The following KHDRBS3 variants were observed in gnomAD, a reference collection of about 807,000 sequenced individuals.
KHDRBS3 encodes the protein KH domain-containing, RNA-binding, signal transduction-associated protein 3.
KHDRBS3 carries 23 observed loss-of-function variants against 45.6 expected under a neutral mutation model. That is an observed-to-expected ratio of 0.50 (90% CI 0.36 to 0.72). The LOEUF (loss-of-function observed/expected upper bound fraction) is 0.72, where lower values mean the gene tolerates loss of function less well. Among genes scored for constraint, KHDRBS3 ranks in the 30% least tolerant of loss-of-function variants. KHDRBS3 has a pLI of 0.00. For missense variants in KHDRBS3, 352 were observed against 424.8 expected (o/e 0.83, Z 1.51); for synonymous variants, 162 against 156.5 (o/e 1.04, Z -0.26).
chr8:135,595,099 G>A (rs1180434085), intron 6 of KHDRBS3, among the ~76,000 whole-genome samples: 1 of 152,166 alleles, frequency 6.6e-6, no homozygotes, highest in South Asian at 2.1e-4. Flanking sequence ...AAAGAAGAAT[G>A]GCACAGAATA....
intron 1 of KHDRBS3, among the ~76,000 whole-genome samples, chr8:135,485,073 C>T (rs550953530): frequency 1.3e-5 from 2 of 152,314 alleles, no homozygotes; most frequent in African/African-American, 4.8e-5. Flanking sequence ...AACCCTCTCT[C>T]TCCATCTCAA....
At chr8:135,483,988 C>T (rs949063463) in intron 1 of KHDRBS3, among the ~76,000 whole-genome samples, 13 of 152,068 alleles carry the variant, frequency 8.5e-5, no homozygotes, top group Admixed American at 7.9e-4. Flanking sequence ...GGAATTGGAC[C>T]GCTTAGGTTT....
chr8:135,648,932 A>C (rs1014130949), downstream of KHDRBS3, among the ~76,000 whole-genome samples: 1 of 152,208 alleles, frequency 6.6e-6, no homozygotes, highest in African/African-American at 2.4e-5. Flanking sequence ...CAGTTTGCCA[A>C]ATTTAATATA....
chr8:135,466,073 CTTCT>C (rs1335342223), intron 1 of KHDRBS3, among the ~76,000 whole-genome samples: 5 of 152,106 alleles, frequency 3.3e-5, no homozygotes, highest in South Asian at 2.1e-4. Context: ...GCTAGGTTAC[CTTCT>C]TTCTTTCGCA....
intron 1 of KHDRBS3, among the ~76,000 whole-genome samples, chr8:135,507,440 T>G (rs1013853052): frequency 6.6e-6 from 1 of 152,250 alleles, no homozygotes; most frequent in African/African-American, 2.4e-5. Flanking sequence ...TCAGTAGATT[T>G]GGCAAGTGGA....
At chr8:135,580,590 C>T (rs1563782989) in intron 5 of KHDRBS3, among the ~76,000 whole-genome samples, 2 of 147,006 alleles carry the variant, frequency 1.4e-5, no homozygotes, top group Non-Finnish European at 3.0e-5. Flanking sequence ...AAATCCTCTT[C>T]CTCTCTCTCT....
chr8:135,623,246 G>A (rs1830223222), intron 7 of KHDRBS3, among the ~76,000 whole-genome samples: 1 of 152,136 alleles, frequency 6.6e-6, no homozygotes, highest in South Asian at 2.1e-4. Flanking sequence ...GTCTTCATAA[G>A]AAATCTTAGT....
intron 1 of KHDRBS3, among the ~76,000 whole-genome samples, chr8:135,508,832 A>G (rs1702247276): frequency 6.6e-6 from 1 of 152,188 alleles, no homozygotes; most frequent in African/African-American, 2.4e-5. Context: ...AGGAACTCCT[A>G]GCCTCTTTTT....
chr8:135,600,532 C>T (rs1420995939), intron 6 of KHDRBS3, among the ~76,000 whole-genome samples: 1 of 152,172 alleles, frequency 6.6e-6, no homozygotes, highest in Admixed American at 6.5e-5. Context: ...ATGTTAATGC[C>T]TTCCTAGGTG....
Position 135,574,745 on chromosome 8 carries a change from A to G in KHDRBS3, c.612-7133A>G, listed in dbSNP as rs1827873533. Among the ~76,000 whole-genome samples the G allele has an allele frequency of 2.6e-5, 4 of 152,334 alleles. No individual in the cohort carries two copies. In the South Asian group the frequency reaches 8.3e-4, roughly 32 times the overall value. On this transcript the variant is annotated intron_variant, in intron 5 of 8. Coordinates refer to ENST00000355849, the MANE Select transcript of KHDRBS3 (RefSeq NM_006558.3). ...TTAATCATGTTAAAGATTTCTCTAGATATATATACTGGAGATATACAAAGA... is the reference window on the plus strand; with the variant it reads ...TTAATCATGTTAAAGATTTCTCTAGGTATATATACTGGAGATATACAAAGA...
At chr8:135,522,328 T>G (rs779325882) in intron 2 of KHDRBS3, among the ~76,000 whole-genome samples, 3 of 152,252 alleles carry the variant, frequency 2.0e-5, no homozygotes, top group African/African-American at 4.8e-5. Context: ...ATGTACCACA[T>G]TTTCTTTATC....
chr8:135,542,466 T>G, intron 2 of KHDRBS3, 188 bp from the exon 3 acceptor site: 1 of 499,078 alleles, frequency 2.0e-6, no homozygotes, highest in Non-Finnish European at 3.6e-6. Context: ...ATCAGGGTTT[T>G]TTATTTTACG....
At chr8:135,624,849 A>G (rs764544055) in intron 7 of KHDRBS3, among the ~76,000 whole-genome samples, 23 of 152,112 alleles carry the variant, frequency 1.5e-4, no homozygotes, top group Non-Finnish European at 2.4e-4. Context: ...CAGTCTTTAC[A>G]TTTCTCCACT....
In KHDRBS3 at chr8:135,531,716, G is replaced by A. The variant is rs73712058; in HGVS notation, c.207+10361G>A. Among the ~76,000 whole-genome samples the A allele has an allele frequency of 2.7e-3, 413 of 152,212 alleles. 2 individuals carry two copies. The highest frequency in any genetic ancestry group is 0.017 in the Middle Eastern group (5 of 294). On this transcript the variant is annotated intron_variant, in intron 2 of 8. Coordinates refer to ENST00000355849, the MANE Select transcript of KHDRBS3 (RefSeq NM_006558.3). ...ATAATTATGGATGAAATTAAATTTA[G>A]TCTTTAAGAATAAATTCAGGACATT...
At chr8:135,584,215 C>T (rs1431445511) in intron 6 of KHDRBS3, among the ~76,000 whole-genome samples, 1 of 152,262 alleles carries the variant, frequency 6.6e-6, no homozygotes, top group Non-Finnish European at 1.5e-5. Flanking sequence ...AGCCAGTGCT[C>T]TTTCTGTCAC....
At chr8:135,607,810 C>T (rs867379006) in intron 7 of KHDRBS3, among the ~76,000 whole-genome samples, 6 of 152,284 alleles carry the variant, frequency 3.9e-5, no homozygotes, top group African/African-American at 1.4e-4. Context: ...CACAAATTCA[C>T]TTTTGAACTC....
At chr8:135,491,677 C>T (rs1392410782) in intron 1 of KHDRBS3, among the ~76,000 whole-genome samples, 2 of 152,150 alleles carry the variant, frequency 1.3e-5, no homozygotes, top group Non-Finnish European at 2.9e-5. Flanking sequence ...CGCAGTGGTT[C>T]TCAGTGTGTC....
At chr8:135,620,952 C>G (rs984708909) in intron 7 of KHDRBS3, among the ~76,000 whole-genome samples, 2 of 152,194 alleles carry the variant, frequency 1.3e-5, no homozygotes, top group Admixed American at 6.5e-5. Context: ...CAGTGCTGAT[C>G]AGAAAGGTGA....
downstream of KHDRBS3, among the ~76,000 whole-genome samples, chr8:135,652,151 C>T (rs1199189556): frequency 2.0e-5 from 3 of 152,042 alleles, no homozygotes; most frequent in Admixed American, 6.6e-5. Context: ...GGAAAAAATC[C>T]ATCATTATTT....
Sources: allele counts gnomAD v4.1 joint callset (sites outside exome capture counted in the v4.1 genomes callset), GRCh38; gene constraint gnomAD v4.1.1; transcripts MANE v1.5; gene names NCBI Gene and HGNC (gene_info 2026-07-23, HGNC 2026-07-21).